Variants in JMJD1C observed in about 807,000 individuals in gnomAD.
JMJD1C encodes the protein jumonji domain containing 1C, also known as jumonji domain-containing protein 1C.
Under a neutral mutation model 245.3 loss-of-function variants are expected in JMJD1C, and 31 were observed. The ratio of observed to expected loss-of-function variants is 0.13; its 90% CI spans 0.09 to 0.17. The LOEUF (loss-of-function observed/expected upper bound fraction) is 0.17, where lower values mean the gene tolerates loss of function less well. JMJD1C is among the 10% of genes least tolerant of loss of function. The probability of loss-of-function intolerance (pLI) is 1.00; values close to 1 mark genes in which losing one functional copy is unlikely to be tolerated. For synonymous variants in JMJD1C, 1,057 were observed against 1,017.4 expected, an observed-to-expected ratio of 1.04 and a Z score of -0.74; for missense variants, 2,691 against 3,000.2, an observed-to-expected ratio of 0.90 and a Z score of 2.41.
At chr10:63,459,625 T>C (rs1024114039) in intron 1 of JMJD1C, among the ~76,000 whole-genome samples, 2 of 152,186 alleles carry the variant, frequency 1.3e-5, no homozygotes, top group Non-Finnish European at 2.9e-5. Flanking sequence ...ATCACCCTTT[T>C]TGAAAATCAT....
intron 1 of JMJD1C, among the ~76,000 whole-genome samples, chr10:63,413,663 AT>A (rs1272753239): frequency 1.3e-5 from 2 of 152,200 alleles, no homozygotes; most frequent in African/African-American, 4.8e-5. Flanking sequence ...ATGAAAAAGT[AT>A]TTTTTTCCTT....
At chr10:63,392,548 C>T (rs933298289) in intron 1 of JMJD1C, among the ~76,000 whole-genome samples, 1 of 151,892 alleles carries the variant, frequency 6.6e-6, no homozygotes, top group Non-Finnish European at 1.5e-5. Flanking sequence ...GGCAAAAGGC[C>T]GGGCATGGTG....
At chr10:63,293,244 C>T (rs2133951539) in intron 2 of JMJD1C, among the ~76,000 whole-genome samples, 1 of 152,262 alleles carries the variant, frequency 6.6e-6, no homozygotes, top group Admixed American at 6.5e-5. Flanking sequence ...CAAACCTTAA[C>T]TGAAATAAAC....
intron 1 of JMJD1C, among the ~76,000 whole-genome samples, chr10:63,519,381 A>G (rs1219911572): frequency 1.3e-5 from 2 of 152,224 alleles, no homozygotes; most frequent in Non-Finnish European, 2.9e-5. Context: ...GAGACTTCCA[A>G]TGTACGTGGC....
chr10:63,499,394 T>TC (rs1172572798), intron 1 of JMJD1C, among the ~76,000 whole-genome samples: 1 of 152,228 alleles, frequency 6.6e-6, no homozygotes, highest in Non-Finnish European at 1.5e-5. Context: ...TATTTTCTTT[T>TC]CTGATAATAG....
intron 3 of JMJD1C, chr10:63,222,196 T>G (rs943884412): frequency 2.0e-5 from 15 of 756,838 alleles, no homozygotes; most frequent in Non-Finnish European, 3.7e-5. Flanking sequence ...TCAACTTGAC[T>G]GACACCATGT....
At chr10:63,422,720 A>T (rs1352620509) in intron 1 of JMJD1C, among the ~76,000 whole-genome samples, 1 of 152,232 alleles carries the variant, frequency 6.6e-6, no homozygotes, top group Non-Finnish European at 1.5e-5. Flanking sequence ...AAAAATAAAT[A>T]GTGGAACTTG....
At chr10:63,509,632 T>G (rs991101899) in intron 1 of JMJD1C, among the ~76,000 whole-genome samples, 1 of 152,222 alleles carries the variant, frequency 6.6e-6, no homozygotes, top group Admixed American at 6.5e-5. Flanking sequence ...GTGTGACTTT[T>G]GGCAGATTGT....
At chr10:63,240,433 A>G (rs555154482) in intron 3 of JMJD1C, among the ~76,000 whole-genome samples, 1 of 152,350 alleles carries the variant, frequency 6.6e-6, no homozygotes, top group South Asian at 2.1e-4. Context: ...TGTTAAATGC[A>G]AAGGTTCAGT....
chr10:63,171,178 C>T (rs540208006), intron 24 of JMJD1C, among the ~76,000 whole-genome samples: 29 of 150,488 alleles, frequency 1.9e-4, no homozygotes, highest in Non-Finnish European at 3.5e-4. Flanking sequence ...TATGTGTTAA[C>T]TTAAAAAAAA....
In JMJD1C at chr10:63,265,693, A is replaced by C. The variant is rs367583897; in HGVS notation, c.334-929T>G. On this transcript the variant is annotated intron_variant, in intron 2 of 25. Transcript: ENST00000399262. ...AAAACACAGCTGCTTTACTATAAAA[A>C]AATTTTTTAACTGGAAAAAAGTTCG... 3.1e-4 allele frequency among the ~76,000 whole-genome samples: 47 copies of C among 152,308 alleles called. No individual in the cohort carries two copies. The East Asian group carries it at 7.9e-3, about 26-fold the overall frequency.
chr10:63,391,622 T>C (rs9414802), intron 1 of JMJD1C, among the ~76,000 whole-genome samples: 43,580 of 151,928 alleles, frequency 0.29, 7,558 homozygotes, highest in African/African-American at 0.46. Flanking sequence ...ATGCCTACAA[T>C]GAAAACTACA....
At chr10:63,344,792 A>G (rs1943671431) in intron 2 of JMJD1C, among the ~76,000 whole-genome samples, 1 of 152,176 alleles carries the variant, frequency 6.6e-6, no homozygotes, top group South Asian at 2.1e-4. Context: ...TATTACCACA[A>G]GGGGAAAAAA....
intron 1 of JMJD1C, among the ~76,000 whole-genome samples, chr10:63,501,143 G>C (rs986786068): frequency 6.6e-6 from 1 of 152,088 alleles, no homozygotes; most frequent in Non-Finnish European, 1.5e-5. Context: ...CCTGCCAGAC[G>C]CGGTAGCTGA....
chr10:63,189,226 T>C lies in JMJD1C; in HGVS notation c.6512A>G (p.Lys2171Arg). 1 of 1,613,464 alleles carries C rather than the reference T, an allele frequency of 6.2e-7. No homozygotes were observed. The highest frequency in any genetic ancestry group is 1.1e-5 in the South Asian group (1 of 91,044). ...CCAATTACTGCTATTCTTATAATCC[T>C]TAAGCCATAAAATATGCTTCTCACA... ...WICEKHILWL[K>R]DYKNSSNWKL... Residue 2171 changes from lysine to arginine, a missense_variant, in exon 18 of 26, where the codon AAG becomes AGG. Around this residue, in one of 9 missense-constraint regions of JMJD1C, gnomAD observed 232 missense variants for 416.1 expected, o/e 0.56. Coordinates refer to ENST00000399262, the MANE Select transcript of JMJD1C (RefSeq NM_032776.3).
At chr10:63,352,404 G>A (rs978019466) in intron 2 of JMJD1C, among the ~76,000 whole-genome samples, 2 of 152,120 alleles carry the variant, frequency 1.3e-5, no homozygotes, top group African/African-American at 2.4e-5. Flanking sequence ...TTGGGAGGCC[G>A]AGGCAGGTGG....
At chr10:63,454,598 T>C (rs1472447937) in intron 1 of JMJD1C, among the ~76,000 whole-genome samples, 2 of 152,114 alleles carry the variant, frequency 1.3e-5, no homozygotes, top group Non-Finnish European at 2.9e-5. Flanking sequence ...ACCCAGTTAA[T>C]TTTTGCATTT....
At position 63,167,936 on chromosome 10, in the gene JMJD1C, T is replaced by G; in HGVS notation, c.*109A>C. ...ACAAGTAATTACTACAAAGAGAATTTCTTGGCACTGATGGTTTTATGAAGC... is the reference window on the plus strand; with the variant it reads ...ACAAGTAATTACTACAAAGAGAATTGCTTGGCACTGATGGTTTTATGAAGC... On this transcript the variant is annotated 3_prime_UTR_variant, in exon 26 of 26. Coordinates refer to ENST00000399262, the MANE Select transcript of JMJD1C (RefSeq NM_032776.3). 1.4e-6 allele frequency: 1 copy of G among 694,894 alleles called. No individual in the cohort carries two copies. Among genetic ancestry groups the G allele is most frequent in the Non-Finnish European group, 2.6e-6 (1 of 388,002 alleles). 43.0% of individuals were successfully genotyped at this position (694,894 alleles called of 1,614,324 possible).
chr10:63,252,223 T>G (rs1353016696), intron 3 of JMJD1C, among the ~76,000 whole-genome samples: 1 of 152,164 alleles, frequency 6.6e-6, no homozygotes. Flanking sequence ...GAATCAAATA[T>G]GAATAACAGC....
Sources: allele counts gnomAD v4.1 joint callset (sites outside exome capture counted in the v4.1 genomes callset), GRCh38; gene constraint gnomAD v4.1.1; regional missense constraint gnomAD v4.1.1; transcripts MANE v1.5; gene names NCBI Gene and HGNC (gene_info 2026-07-23, HGNC 2026-07-21).